RBFOX1: variants seen among roughly 807,000 people sequenced by gnomAD.
RBFOX1 encodes RNA binding fox-1 homolog 1.
A neutral mutation model predicts 57.7 loss-of-function variants in RBFOX1; 8 were observed. The observed-to-expected ratio is 0.14, with a 90% confidence interval of 0.08 to 0.25. The LOEUF is 0.25. Among genes scored for constraint, RBFOX1 ranks in the 10% least tolerant of loss-of-function variants. RBFOX1 has a pLI of 1.00. For missense variants in RBFOX1, 611 were observed against 548.5 expected (o/e 1.11, Z -1.14); for synonymous variants, 326 against 222.4 (o/e 1.47, Z -4.15).
chr16:5,685,119 G>A (rs189347308), intron 3 of RBFOX1, among the ~76,000 whole-genome samples: 109 of 152,274 alleles, frequency 7.2e-4, no homozygotes, highest in African/African-American at 2.6e-3. Flanking sequence ...AAGCAAGGGT[G>A]TTACTGGCTT....
chr16:6,980,782 C>G (rs373783414), intron 3 of RBFOX1, among the ~76,000 whole-genome samples: 1 of 152,102 alleles, frequency 6.6e-6, no homozygotes, highest in Non-Finnish European at 1.5e-5. Context: ...GTAGCTCATG[C>G]CTGTAATCCC....
chr16:7,298,352 G>A (rs567640087), intron 4 of RBFOX1, among the ~76,000 whole-genome samples: 24 of 133,450 alleles, frequency 1.8e-4, no homozygotes, highest in Middle Eastern at 6.1e-3. Flanking sequence ...GCAGTAGCAT[G>A]ATCTCAGCCT....
At chr16:6,507,807 C>T (rs2096144521) in intron 2 of RBFOX1, among the ~76,000 whole-genome samples, 1 of 151,366 alleles carries the variant, frequency 6.6e-6, no homozygotes, top group African/African-American at 2.4e-5. Flanking sequence ...GGTGGTTAGC[C>T]AGGGCTAGAA....
chr16:7,024,808 G>A (rs1275946400), intron 3 of RBFOX1, among the ~76,000 whole-genome samples: 3 of 152,216 alleles, frequency 2.0e-5, no homozygotes, highest in African/African-American at 7.2e-5. Flanking sequence ...TCTGGACCCT[G>A]TTGGATGTTA....
intron 2 of RBFOX1, among the ~76,000 whole-genome samples, chr16:6,505,281 T>C (rs2096060567): frequency 6.6e-6 from 1 of 152,172 alleles, no homozygotes; most frequent in Non-Finnish European, 1.5e-5. Context: ...GTGAAGCTTG[T>C]AGACATTCAT....
At chr16:5,326,898 A>G (rs1391413976) in intron 1 of RBFOX1, among the ~76,000 whole-genome samples, 1 of 152,224 alleles carries the variant, frequency 6.6e-6, no homozygotes, top group Non-Finnish European at 1.5e-5. Flanking sequence ...ATATTAATTC[A>G]TTAATTCATT....
intron 2 of RBFOX1, among the ~76,000 whole-genome samples, chr16:6,394,948 G>A (rs867150995): frequency 6.6e-6 from 1 of 152,132 alleles, no homozygotes; most frequent in South Asian, 2.1e-4. Flanking sequence ...GTTACATTTG[G>A]TCTTCTCTCC....
At chr16:6,470,028 A>G (rs2095138445) in intron 2 of RBFOX1, among the ~76,000 whole-genome samples, 1 of 151,902 alleles carries the variant, frequency 6.6e-6, no homozygotes, top group Non-Finnish European at 1.5e-5. Flanking sequence ...CTTAATTCAT[A>G]GTTATCAAAC....
chr16:5,642,151 A>G (rs1017947596), intron 3 of RBFOX1, among the ~76,000 whole-genome samples: 2 of 152,168 alleles, frequency 1.3e-5, no homozygotes, highest in Non-Finnish European at 2.9e-5. Flanking sequence ...TTTAGAGGCC[A>G]TGTGCTCATT....
At chr16:6,895,448 G>GTGTGTGTGTGTATA (rs869028735) in intron 3 of RBFOX1, among the ~76,000 whole-genome samples, 10 of 54,608 alleles carry the variant, frequency 1.8e-4, no homozygotes, top group Admixed American at 6.5e-4. Context: ...GTGTGTGTGT[G>GTGTGTGTGTGTATA]TATATATATA....
chr16:5,579,908 T>A lies in RBFOX1; in HGVS notation c.259-18994T>A, dbSNP rs148390961. ...CCAAGTAGCTGGGATTACAGGTGCC[T>A]GCCACCACGCCCGGCTAATTTTTTT... On this transcript the variant is annotated intron_variant, in intron 2 of 2. Transcript: ENST00000585867. 7.1e-3 allele frequency among the ~76,000 whole-genome samples: 1,075 copies of A among 152,052 alleles called. 7 individuals are homozygous for A. Among genetic ancestry groups the A allele is most frequent in the African/African-American group, 0.024 (989 of 41,482 alleles).
chr16:6,526,091 C>T (rs986882469), intron 2 of RBFOX1, among the ~76,000 whole-genome samples: 5 of 152,098 alleles, frequency 3.3e-5, no homozygotes, highest in African/African-American at 9.6e-5. Flanking sequence ...CTTGGATGTG[C>T]GATAGGGTAA....
intron 3 of RBFOX1, among the ~76,000 whole-genome samples, chr16:5,665,195 C>A (rs980074740): frequency 2.6e-5 from 4 of 151,750 alleles, no homozygotes; most frequent in African/African-American, 9.7e-5. Flanking sequence ...AGGCGATCCT[C>A]CCACCTTAGT....
At chr16:6,575,620 G>A (rs2097422052) in intron 2 of RBFOX1, among the ~76,000 whole-genome samples, 1 of 152,136 alleles carries the variant, frequency 6.6e-6, no homozygotes, top group Non-Finnish European at 1.5e-5. Flanking sequence ...CACTTTGGGA[G>A]GCCACGGTGG....
At chr16:6,898,877 G>C (rs138507222) in intron 3 of RBFOX1, among the ~76,000 whole-genome samples, 2 of 139,038 alleles carry the variant, frequency 1.4e-5, no homozygotes, top group Non-Finnish European at 3.1e-5. Context: ...ACATGTACAC[G>C]TGTATAATAC....
intron 3 of RBFOX1, among the ~76,000 whole-genome samples, chr16:6,747,444 TAGTCTGTC>T (rs2073954579): frequency 1.2e-5 from 1 of 83,384 alleles, no homozygotes; most frequent in Non-Finnish European, 2.5e-5. Context: ...GTCAGTCAGT[TAGTCTGTC>T]TGTCTGTCTG....
intron 3 of RBFOX1, among the ~76,000 whole-genome samples, chr16:7,003,012 G>C (rs145890243): frequency 1.3e-5 from 2 of 150,258 alleles, no homozygotes; most frequent in Admixed American, 6.6e-5. Flanking sequence ...GGATCTTGGT[G>C]GTCTTTTTTT....
intron 1 of RBFOX1, among the ~76,000 whole-genome samples, chr16:6,091,459 G>T (rs922601614): frequency 2.6e-5 from 4 of 152,050 alleles, no homozygotes; most frequent in African/African-American, 9.7e-5. Flanking sequence ...TTTTTATAGG[G>T]TGAGCGGTCT....
intron 4 of RBFOX1, among the ~76,000 whole-genome samples, chr16:7,472,028 T>G (rs909220047): frequency 6.6e-5 from 10 of 152,218 alleles, no homozygotes; most frequent in African/African-American, 2.4e-4. Flanking sequence ...GTGAACACAC[T>G]TTAGTATATA....
Sources: gnomAD v4.1 joint callset for allele counts (sites outside exome capture counted in the v4.1 genomes callset) on GRCh38, gnomAD v4.1.1 for gene constraint, MANE v1.5 for transcripts, NCBI Gene and HGNC (gene_info 2026-07-23, HGNC 2026-07-21) for gene names.